RXRA: variants seen among roughly 807,000 people sequenced by gnomAD.
RXRA encodes the protein retinoid X receptor alpha.
RXRA carries 5 observed loss-of-function variants against 44.5 expected under a neutral mutation model. The observed-to-expected ratio is 0.11, with a 90% CI of 0.06 to 0.24. The LOEUF is 0.24. Ranked by LOEUF, RXRA falls within the 10% of genes least tolerant of loss-of-function variation. The probability of loss-of-function intolerance (pLI) is 1.00; values close to 1 mark genes in which losing one functional copy is unlikely to be tolerated. For synonymous variants in RXRA, 291 were observed against 271.4 expected, an observed-to-expected ratio of 1.07 and a Z score of -0.71; for missense variants, 412 against 646.5, an observed-to-expected ratio of 0.64 and a Z score of 3.93.
chr9:134,410,716 A>T (rs551157668), intron 4 of RXRA, among the ~76,000 whole-genome samples: 2 of 152,134 alleles, frequency 1.3e-5, no homozygotes, highest in Non-Finnish European at 2.9e-5. Flanking sequence ...TGGGGGGGGA[A>T]GGCCTCGTGT....
At chr9:134,371,729 C>T (rs569522161) in intron 1 of RXRA, among the ~76,000 whole-genome samples, 4 of 152,306 alleles carry the variant, frequency 2.6e-5, no homozygotes, top group African/African-American at 4.8e-5. Context: ...AAGTGGTCCG[C>T]CCTTGTCTCT....
chr9:134,395,734 C>A (rs1830868044), intron 1 of RXRA, among the ~76,000 whole-genome samples: 1 of 152,250 alleles, frequency 6.6e-6, no homozygotes, highest in African/African-American at 2.4e-5. Flanking sequence ...ATCATCCGAC[C>A]CTGCTTTGGG....
intron 4 of RXRA, among the ~76,000 whole-genome samples, chr9:134,409,496 C>T (rs376442279): frequency 3.9e-5 from 6 of 152,246 alleles, no homozygotes; most frequent in African/African-American, 1.2e-4. Flanking sequence ...GCAGGGCCGC[C>T]GGATGGCCCC....
chr9:134,426,812 A>C lies in RXRA; in HGVS notation c.911-2296A>C. The stretch of plus-strand genomic sequence containing the variant: ...GGCCAGGGATGGTGGGTTTGGGGCC[A>C]GTTGTGCCCCAGCCCAGATCTTGTC... On this transcript the variant is annotated intron_variant, in intron 6 of 9. Coordinates refer to ENST00000481739, the MANE Select transcript of RXRA (RefSeq NM_002957.6). This position sits in a 1 kb window ranked among gnomAD's most constrained non-coding sequence, Gnocchi z 4.6. 4.1e-6 allele frequency: 4 copies of C among 985,326 alleles called. No homozygotes were observed. Among genetic ancestry groups the C allele is most frequent in the Non-Finnish European group, 4.8e-6 (4 of 829,908 alleles). The allele number at this position is 985,326 out of a possible 1,614,324, so 61.0% of individuals were successfully genotyped here. A position where few individuals can be genotyped will look rare whatever the true frequency, so the allele number is the denominator to read the frequency against.
At chr9:134,327,353 C>T (rs1834933137) in intron 1 of RXRA, among the ~76,000 whole-genome samples, 1 of 152,136 alleles carries the variant, frequency 6.6e-6, no homozygotes, top group Non-Finnish European at 1.5e-5. Flanking sequence ...GTCAGTTTCC[C>T]TCCTCCTCCT....
intron 1 of RXRA, among the ~76,000 whole-genome samples, chr9:134,351,413 C>G (rs868955621): frequency 3.3e-5 from 5 of 152,202 alleles, no homozygotes; most frequent in Middle Eastern, 3.2e-3. Flanking sequence ...GGTCTCCAGT[C>G]CCTGCCTGCA....
chr9:134,359,060 C>G (rs1588262843), intron 1 of RXRA, among the ~76,000 whole-genome samples: 1 of 152,082 alleles, frequency 6.6e-6, no homozygotes, highest in South Asian at 2.1e-4. Context: ...TGGGAGAGGC[C>G]GAGAGGAAGG....
chr9:134,362,251 C>T (rs1210694928), intron 1 of RXRA, among the ~76,000 whole-genome samples: 2 of 152,214 alleles, frequency 1.3e-5, no homozygotes, highest in African/African-American at 4.8e-5. Context: ...CCCTGTGCCC[C>T]TGGGGTAGCT....
At chr9:134,331,016 C>T (rs1476248397) in intron 1 of RXRA, among the ~76,000 whole-genome samples, 2 of 152,112 alleles carry the variant, frequency 1.3e-5, no homozygotes, top group East Asian at 3.9e-4. Context: ...CCATGATGGT[C>T]GCTGGGGGCT....
chr9:134,412,786 G>T (rs1004177417), intron 4 of RXRA, among the ~76,000 whole-genome samples: 3 of 152,124 alleles, frequency 2.0e-5, no homozygotes, highest in African/African-American at 7.2e-5. Context: ...TTCCCAGTCC[G>T]ATGGAAAAGA....
intron 1 of RXRA, among the ~76,000 whole-genome samples, chr9:134,372,805 C>A (rs1327967790): frequency 6.6e-6 from 1 of 152,238 alleles, no homozygotes. Flanking sequence ...CCTGGCTCTG[C>A]CCTTGTAGGC....
At chr9:134,395,468 G>A (rs1040632521) in intron 1 of RXRA, among the ~76,000 whole-genome samples, 2 of 152,258 alleles carry the variant, frequency 1.3e-5, no homozygotes, top group African/African-American at 4.8e-5. Context: ...GCTCTGTGTG[G>A]GGCCGGCAGT....
Position 134,417,238 on chromosome 9 carries a change from C to G in RXRA, c.691C>G (p.Pro231Ala). ...ESTSSANEDM[P>A]VERILEAELA... ...GACCAGCAGCGCCAACGAGGACATG[C>G]CGGTGGAGAGGATCCTGGAGGCTGA... Residue 231 changes from proline (P) to alanine (A), a missense_variant, in exon 5 of 10, where the codon CCG becomes GCG. Coordinates refer to ENST00000481739, the MANE Select transcript of RXRA (RefSeq NM_002957.6). The surrounding 1 kb of genome is among the most constrained non-coding windows in gnomAD (Gnocchi z 6.1). 6 of 1,613,842 alleles carry G rather than the reference C, an allele frequency of 3.7e-6. No individual in the cohort carries two copies. The highest frequency in any genetic ancestry group is 4.2e-6 in the Non-Finnish European group (5 of 1,179,968).
At chr9:134,333,485 C>T (rs1835039330) in intron 1 of RXRA, among the ~76,000 whole-genome samples, 1 of 152,066 alleles carries the variant, frequency 6.6e-6, no homozygotes, top group South Asian at 2.1e-4. Context: ...TGCTGCCGTG[C>T]GTGCGGGGTC....
chr9:134,430,608 T>C (rs1831516916), intron 7 of RXRA, among the ~76,000 whole-genome samples: 1 of 149,102 alleles, frequency 6.7e-6, no homozygotes, highest in Admixed American at 6.8e-5. Flanking sequence ...GCAGGACTTG[T>C]CAGGGCCTTT....
At chr9:134,427,104 G>A in intron 6 of RXRA, 1 of 984,662 alleles carries the variant, frequency 1.0e-6, no homozygotes, top group Non-Finnish European at 1.2e-6. Flanking sequence ...ATGTCAGATT[G>A]AGGGGGCCTC....
At chr9:134,385,837 G>T (rs1351363281) in intron 1 of RXRA, among the ~76,000 whole-genome samples, 1 of 152,274 alleles carries the variant, frequency 6.6e-6, no homozygotes, top group Non-Finnish European at 1.5e-5. Flanking sequence ...TGCCTACAGT[G>T]GGCAGCCAGC....
chr9:134,435,765 C>CA (rs1451013076), intron 9 of RXRA, among the ~76,000 whole-genome samples: 2 of 152,150 alleles, frequency 1.3e-5, no homozygotes, highest in Non-Finnish European at 2.9e-5. Context: ...CCAGTGTGCT[C>CA]AGCAGCCCTT....
At chr9:134,327,057 C>A (rs1325649380) in intron 1 of RXRA, among the ~76,000 whole-genome samples, 1 of 152,060 alleles carries the variant, frequency 6.6e-6, no homozygotes, top group South Asian at 2.1e-4. Flanking sequence ...GGGACCGGGA[C>A]GGCGCGCTGG....
Sources: allele counts gnomAD v4.1 joint callset (sites outside exome capture counted in the v4.1 genomes callset), GRCh38; gene constraint gnomAD v4.1.1; non-coding constraint Gnocchi (gnomAD v3.1); transcripts MANE v1.5; gene names NCBI Gene and HGNC (gene_info 2026-07-23, HGNC 2026-07-21).